ENOX1: variants seen among roughly 807,000 people sequenced by gnomAD.
ENOX1 encodes the protein ecto-NOX disulfide-thiol exchanger 1, also known as candidate growth-related and time keeping constitutive hydroquinone (NADH) oxidase.
ENOX1 carries 42 observed loss-of-function variants against 82.5 expected under a neutral mutation model. That is an observed-to-expected ratio of 0.51 (90% CI 0.40 to 0.66). ENOX1 has a LOEUF of 0.66. Among genes scored for constraint, ENOX1 ranks in the 30% least tolerant of loss-of-function variants. The probability of loss-of-function intolerance (pLI) is 0.00; values close to 1 mark genes in which losing one functional copy is unlikely to be tolerated. For missense variants in ENOX1, 608 were observed against 811.6 expected (o/e 0.75, Z 3.05); for synonymous variants, 271 against 282.2 (o/e 0.96, Z 0.40).
At chr13:43,711,361 A>T (rs1170285086) in intron 1 of ENOX1, among the ~76,000 whole-genome samples, 2 of 152,088 alleles carry the variant, frequency 1.3e-5, no homozygotes, top group African/African-American at 4.8e-5. Context: ...TGCTATTGTG[A>T]ATAGTGCCAC....
At chr13:43,450,744 G>C (rs2056921992) in intron 3 of ENOX1, among the ~76,000 whole-genome samples, 1 of 152,090 alleles carries the variant, frequency 6.6e-6, no homozygotes, top group African/African-American at 2.4e-5. Context: ...GTAGTGGCGT[G>C]GACTCAGGAT....
chr13:43,593,889 C>T (rs2081352740), intron 2 of ENOX1, among the ~76,000 whole-genome samples: 1 of 152,140 alleles, frequency 6.6e-6, no homozygotes, highest in Non-Finnish European at 1.5e-5. Context: ...GGAGTTCATC[C>T]AGGTAAAGCT....
rs150161466 is a variant in ENOX1, at chr13:43,220,474, A to G, written c.1800+3579T>C. On this transcript the variant is annotated intron_variant, in intron 16 of 16. Transcript: ENST00000690772. ...TTAGTTCATGTCTGAGTCTCAAATC[A>G]TTTCATAACTAGGCTACAAGCTTGT... 1.6e-3 allele frequency among the ~76,000 whole-genome samples: 250 copies of G among 152,222 alleles called. 1 individual carries two copies. Among genetic ancestry groups the G allele is most frequent in the Middle Eastern group, 0.01 (3 of 294 alleles).
intron 5 of ENOX1, among the ~76,000 whole-genome samples, chr13:43,382,469 G>T (rs112353335): frequency 6.6e-6 from 1 of 152,110 alleles, no homozygotes; most frequent in Admixed American, 6.5e-5. Context: ...CAGGATATAT[G>T]ACAACATGCG....
chr13:43,740,513 AG>A (rs1306054116), intron 1 of ENOX1, among the ~76,000 whole-genome samples: 1 of 152,086 alleles, frequency 6.6e-6, no homozygotes, highest in Non-Finnish European at 1.5e-5. Flanking sequence ...CAGGGGTACA[AG>A]TGCAGGTTTG....
intron 10 of ENOX1, among the ~76,000 whole-genome samples, chr13:43,324,086 G>A (rs2047967867): frequency 6.6e-6 from 1 of 152,174 alleles, no homozygotes; most frequent in South Asian, 2.1e-4. Context: ...GAATAAACAG[G>A]TGCCAATTCC....
chr13:43,482,782 A>G (rs977997913), intron 3 of ENOX1, among the ~76,000 whole-genome samples: 2 of 152,160 alleles, frequency 1.3e-5, no homozygotes, highest in Non-Finnish European at 2.9e-5. Context: ...GCATTTAGGT[A>G]ACTTCTCACG....
chr13:43,588,153 A>G (rs1374703442), intron 2 of ENOX1, among the ~76,000 whole-genome samples: 1 of 152,244 alleles, frequency 6.6e-6, no homozygotes, highest in Admixed American at 6.5e-5. Flanking sequence ...GTTAATTAAC[A>G]TATATAGTTA....
At chr13:43,637,533 A>G (rs925595226) in intron 2 of ENOX1, among the ~76,000 whole-genome samples, 1 of 152,046 alleles carries the variant, frequency 6.6e-6, no homozygotes, top group African/African-American at 2.4e-5. Flanking sequence ...AGGGGAGGCC[A>G]GGTCTCCTCT....
At chr13:43,499,568 C>T (rs1345516059) in intron 2 of ENOX1, among the ~76,000 whole-genome samples, 1 of 151,982 alleles carries the variant, frequency 6.6e-6, no homozygotes, top group Non-Finnish European at 1.5e-5. Context: ...CAGACCCTGT[C>T]AAATGTCCTG....
intron 2 of ENOX1, among the ~76,000 whole-genome samples, chr13:43,590,618 C>CA (rs112112906): frequency 0.87 from 131,856 of 151,030 alleles, 58,019 homozygotes; most frequent in South Asian, 0.95. Flanking sequence ...ACTAAAAAAA[C>CA]AAAAAAAATT....
At position 43,265,232 on chromosome 13, in the gene ENOX1, T is replaced by C. The variant is rs891104478; in HGVS notation, c.1611+166A>G. Among the ~76,000 whole-genome samples the C allele has an allele frequency of 3.3e-5, 5 of 152,246 alleles. No homozygotes were observed. The East Asian group carries it at 7.7e-4, about 23-fold the overall frequency. ...GACATTTGATAAACTAGGCTGACAA[T>C]AGCAGTGCCTGTCAATCACATTTTC... On this transcript the variant is annotated intron_variant, in intron 14 of 16. Transcript: ENST00000690772.
intron 14 of ENOX1, among the ~76,000 whole-genome samples, chr13:43,254,140 T>C (rs1196594621): frequency 6.6e-6 from 1 of 152,164 alleles, no homozygotes; most frequent in Non-Finnish European, 1.5e-5. Flanking sequence ...TCACATATTT[T>C]CTCGAGAGGA....
intron 3 of ENOX1, among the ~76,000 whole-genome samples, chr13:43,436,781 C>T (rs9594937): frequency 0.22 from 34,147 of 151,768 alleles, 4,074 homozygotes; most frequent in Middle Eastern, 0.32. Context: ...AGAGAAAATA[C>T]AAGTGTGATA....
At chr13:43,275,328 T>C (rs1202271604) in intron 12 of ENOX1, among the ~76,000 whole-genome samples, 11 of 152,232 alleles carry the variant, frequency 7.2e-5, no homozygotes, top group Non-Finnish European at 7.3e-5. Flanking sequence ...TAACAGACTA[T>C]GTAAGTTTGG....
intron 3 of ENOX1, among the ~76,000 whole-genome samples, chr13:43,439,391 A>G (rs2056233158): frequency 6.6e-6 from 1 of 152,032 alleles, no homozygotes; most frequent in Admixed American, 6.6e-5. Flanking sequence ...TAATAGAGAC[A>G]GGGTTTCACC....
chr13:43,743,800 T>C (rs924506384), intron 1 of ENOX1, among the ~76,000 whole-genome samples: 2 of 152,194 alleles, frequency 1.3e-5, no homozygotes, highest in African/African-American at 4.8e-5. Context: ...GTGTAATTTA[T>C]GAACTACAGA....
intron 9 of ENOX1, among the ~76,000 whole-genome samples, chr13:43,335,755 A>G (rs1387099718): frequency 2.7e-5 from 4 of 147,470 alleles, no homozygotes; most frequent in Non-Finnish European, 6.0e-5. Context: ...CACGAGACTG[A>G]AAGGAAGGAT....
At chr13:43,474,226 G>A (rs1195623406) in intron 3 of ENOX1, among the ~76,000 whole-genome samples, 1 of 152,084 alleles carries the variant, frequency 6.6e-6, no homozygotes, top group Non-Finnish European at 1.5e-5. Flanking sequence ...TTCCCATCAG[G>A]AACAAGCTTA....
Sources: allele counts gnomAD v4.1 joint callset (sites outside exome capture counted in the v4.1 genomes callset), GRCh38; gene constraint gnomAD v4.1.1; transcripts MANE v1.5; gene names NCBI Gene and HGNC (gene_info 2026-07-23, HGNC 2026-07-21).